The following WLS variants were observed in gnomAD, a reference collection of about 807,000 sequenced individuals.
WLS encodes the protein protein wntless homolog.
A neutral mutation model predicts 62.8 loss-of-function variants in WLS; 23 were observed. That is an observed-to-expected ratio of 0.37 (90% confidence interval 0.26 to 0.52). The LOEUF (loss-of-function observed/expected upper bound fraction) is 0.52, where lower values mean the gene tolerates loss of function less well. WLS is among the 20% of genes least tolerant of loss of function. WLS has a pLI of 0.92. For missense variants in WLS, 615 were observed against 697.3 expected (o/e 0.88, Z 1.33); for synonymous variants, 246 against 244.1 (o/e 1.01, Z -0.07).
At chr1:68,206,115 A>T (rs1004038316) in intron 1 of WLS, among the ~76,000 whole-genome samples, 4 of 152,236 alleles carry the variant, frequency 2.6e-5, no homozygotes, top group Non-Finnish European at 5.9e-5. Context: ...GAAGTCAAGG[A>T]TGTCCCCAAA....
chr1:68,204,348 C>T (rs929494572), intron 1 of WLS, among the ~76,000 whole-genome samples: 2 of 151,832 alleles, frequency 1.3e-5, no homozygotes, highest in South Asian at 2.1e-4. Flanking sequence ...TAGACGGAGT[C>T]TCGCTCTGTC....
At chr1:68,161,693 T>C in intron 2 of WLS, 1 of 1,228,742 alleles carries the variant, frequency 8.1e-7, no homozygotes. Flanking sequence ...TCTTAGTTCA[T>C]CATTTTTCAC....
chr1:68,113,074 C>A (rs939225680), intron 11 of WLS, among the ~76,000 whole-genome samples: 2 of 152,152 alleles, frequency 1.3e-5, no homozygotes, highest in African/African-American at 2.4e-5. Context: ...CAGCCTGAGG[C>A]CCATGCTCCT....
chr1:68,162,688 G>T (rs1057488067), intron 2 of WLS: 1 of 1,229,584 alleles, frequency 8.1e-7, no homozygotes, highest in Non-Finnish European at 1.2e-6. Flanking sequence ...GGTAGAGTCC[G>T]GTGTCTCTTC....
intron 11 of WLS, among the ~76,000 whole-genome samples, chr1:68,110,064 T>G (rs1376554104): frequency 7.6e-6 from 1 of 131,264 alleles, no homozygotes; most frequent in Admixed American, 7.5e-5. Flanking sequence ...TTAGTAGGAA[T>G]TAAAGATAAA....
chr1:68,152,375 T>G, intron 5 of WLS, among the ~76,000 whole-genome samples: 1 of 150,128 alleles, frequency 6.7e-6, no homozygotes, highest in Non-Finnish European at 1.5e-5. Context: ...AGAGAAGAGG[T>G]CCAAAGCAGG....
At position 68,126,240 on chromosome 1, in the gene WLS, C is replaced by T. The variant is rs1278458589; in HGVS notation, c.1612G>A (p.Glu538Lys). Residue 538 changes from glutamate to lysine, a missense_variant, in exon 12 of 12, where the codon GAG (glutamate) becomes AAG (lysine). By Grantham distance (56) the Glu-to-Lys change is moderately conservative (BLOSUM62 1). Transcript: ENST00000262348. ...GCTGCAGCCTCCTACTCCTGGGCCT[C>T]CTTGCGGGTCAACTTGTAGATCTCA... is the stretch of plus-strand genomic sequence containing the variant. ...PTEIYKLTRKEAQE is the reference protein window; with the variant it reads ...PTEIYKLTRKKAQE The T allele has an allele frequency of 6.2e-7, 1 of 1,614,180 alleles. No individual in the cohort carries two copies. The highest frequency in any genetic ancestry group is 8.5e-7 in the Non-Finnish European group (1 of 1,180,050).
Position 68,194,212 on chromosome 1 carries a change from G to A in WLS, c.122C>T (p.Thr41Met), listed in dbSNP as rs757203223. 2.0e-5 allele frequency: 32 copies of A among 1,613,928 alleles called. No homozygotes were observed. The East Asian group carries it at 2.7e-4, about 13-fold the overall frequency. ...TTTCACCGACATGTAGGACACTGCC[G>A]TTGTGGGCCCTGGAGCTGAAAAGAG... is the stretch of plus-strand genomic sequence containing the variant. ...VGGLIAPGPT[T>M]AVSYMSVKCV... is the part of the protein sequence containing the mutation. The change falls in exon 2 of 12, where the codon ACG becomes ATG. Residue 41 changes from threonine to methionine, a missense_variant. Thr to Met is a moderately conservative substitution (Grantham distance 81, BLOSUM62 -1). Transcript: ENST00000262348.
At chr1:68,170,625 C>T (rs1033904838) in intron 2 of WLS, among the ~76,000 whole-genome samples, 1 of 152,042 alleles carries the variant, frequency 6.6e-6, no homozygotes. Context: ...TTGGCATCCC[C>T]GCTCGTGCCA....
chr1:68,193,910 C>T, intron 2 of WLS, 45 bp downstream of exon 2: 1 of 1,578,084 alleles, frequency 6.3e-7, no homozygotes, highest in Non-Finnish European at 8.6e-7. Flanking sequence ...CCAAAGAGGG[C>T]AATGCTCAAA....
At chr1:68,154,674 G>A (rs1557481105) in intron 4 of WLS, among the ~76,000 whole-genome samples, 1 of 152,162 alleles carries the variant, frequency 6.6e-6, no homozygotes, top group Non-Finnish European at 1.5e-5. Context: ...TGTTGAGATT[G>A]AAAAGAAATG....
At chr1:68,229,715 C>CA (rs57287522) in intron 1 of WLS, among the ~76,000 whole-genome samples, 23,568 of 150,966 alleles carry the variant, frequency 0.16, 2,252 homozygotes, top group East Asian at 0.42. Context: ...GATTTAAGAG[C>CA]AAAAAAAAAT....
At chr1:68,206,262 G>A (rs1278791923) in intron 1 of WLS, among the ~76,000 whole-genome samples, 1 of 152,212 alleles carries the variant, frequency 6.6e-6, no homozygotes, top group Non-Finnish European at 1.5e-5. Flanking sequence ...GGTTTAGTAT[G>A]GAGGGTTGAA....
At position 68,230,517 on chromosome 1, in the gene WLS, G is replaced by A. The variant is rs113089457; in HGVS notation, c.106+1677C>T. Among the ~76,000 whole-genome samples, 11 of 152,008 alleles carry A rather than the reference G, an allele frequency of 7.2e-5. 1 individual carries two copies. The highest frequency in any genetic ancestry group is 2.7e-4 in the African/African-American group (11 of 41,452). On this transcript the variant is annotated intron_variant, in intron 1 of 11. Coordinates refer to ENST00000262348, the MANE Select transcript of WLS (RefSeq NM_024911.7). ...TAAGAGCCTCGAAAAATCCAATACG[G>A]GGAAACGAGATTGCATGTAGCCAAA...
Position 68,125,694 on chromosome 1 carries a change from C to T in WLS, c.*532G>A. 1 of 985,716 alleles carries T rather than the reference C, an allele frequency of 1.0e-6. No individual in the cohort carries two copies. The highest frequency in any genetic ancestry group is 4.7e-5 in the South Asian group (1 of 21,306). 61.1% of individuals were successfully genotyped at this position (985,716 alleles called of 1,614,324 possible). ...TATGCCACAAAACAGGGACACTTATCTATTGACAACTTAAATATTAACTCA... is the reference window on the plus strand; with the variant it reads ...TATGCCACAAAACAGGGACACTTATTTATTGACAACTTAAATATTAACTCA... On this transcript the variant is annotated 3_prime_UTR_variant, in exon 12 of 12. Transcript: ENST00000262348.
At chr1:68,101,291 T>A (rs1396008385) in intron 11 of WLS, among the ~76,000 whole-genome samples, 2 of 151,736 alleles carry the variant, frequency 1.3e-5, no homozygotes, top group African/African-American at 4.9e-5. Flanking sequence ...GGCCAATAAA[T>A]GTTCATCATA....
intron 1 of WLS, among the ~76,000 whole-genome samples, chr1:68,196,523 C>T (rs529080921): frequency 1.6e-4 from 25 of 152,076 alleles, no homozygotes; most frequent in Middle Eastern, 3.4e-3. Flanking sequence ...AGTTATATAA[C>T]GGGAAAAATG....
At chr1:68,145,741 C>A in intron 9 of WLS, 128 bp downstream of exon 9, 1 of 1,467,812 alleles carries the variant, frequency 6.8e-7, no homozygotes. Context: ...CCCAGAGATC[C>A]TACATGAGAA....
chr1:68,208,997 G>T lies in WLS; in HGVS notation c.107-14770C>A, dbSNP rs564195764. 2.6e-5 allele frequency among the ~76,000 whole-genome samples: 4 copies of T among 152,296 alleles called. No homozygotes were observed. In the East Asian group the frequency reaches 7.7e-4, roughly 29 times the overall value. On this transcript the variant is annotated intron_variant, in intron 1 of 11. Transcript: ENST00000262348. ...CCCGGTCCCCATCCCTCTACTCAGA[G>T]ATTTCTCAAGCTTTGCACTAATGGC... is the stretch of plus-strand genomic sequence containing the variant.
Sources: allele counts gnomAD v4.1 joint callset (sites outside exome capture counted in the v4.1 genomes callset), GRCh38; gene constraint gnomAD v4.1.1; transcripts MANE v1.5; gene names NCBI Gene and HGNC (gene_info 2026-07-23, HGNC 2026-07-21).